MROH2B: variants seen among roughly 807,000 people sequenced by gnomAD.
MROH2B encodes the protein maestro heat like repeat family member 2B.
A neutral mutation model predicts 208.6 loss-of-function variants in MROH2B; 177 were observed. The observed-to-expected ratio is 0.85, with a 90% CI of 0.75 to 0.96. The LOEUF is 0.96. Ranked by LOEUF, MROH2B falls within the 40% of genes least tolerant of loss-of-function variation. The probability of loss-of-function intolerance (pLI) is 0.00; values close to 1 mark genes in which losing one functional copy is unlikely to be tolerated. For missense variants in MROH2B, 2,002 were observed against 1,878.7 expected (o/e 1.07, Z -1.21); for synonymous variants, 728 against 659.0 (o/e 1.10, Z -1.60).
intron 29 of MROH2B, among the ~76,000 whole-genome samples, chr5:41,013,043 A>G (rs1201223584): frequency 1.3e-5 from 2 of 152,236 alleles, no homozygotes; most frequent in Non-Finnish European, 2.9e-5. Flanking sequence ...ATAATGCAGA[A>G]TGTTTACATA....
chr5:41,048,389 A>G lies in MROH2B; in HGVS notation c.1619T>C (p.Ile540Thr), dbSNP rs1233015728. 1.2e-6 allele frequency: 2 copies of G among 1,613,716 alleles called. No individual in the cohort carries two copies. Among genetic ancestry groups the G allele is most frequent in the East Asian group, 2.2e-5 (1 of 44,868 alleles). The change falls in exon 16 of 42, where the codon ATA becomes ACA. Residue 540 changes from isoleucine (I) to threonine (T), a missense_variant. Transcript: ENST00000399564. ...AIGLLKILPE[I>T]IHPKLVDLWK... ...TAGGTCTACCAATTTTGGGTGAATT[A>G]TCTCAGGCAGTATCTTCAAAAGCCC...
Position 41,010,094 on chromosome 5 carries a change from G to C in MROH2B, c.3136-15C>G, listed in dbSNP as rs1335546375. On this transcript the variant is annotated splice_polypyrimidine_tract_variant and intron_variant, in intron 30 of 41. Transcript: ENST00000399564. The stretch of plus-strand genomic sequence containing the variant: ...ATCTCCAATAGCTAAAGAGAAAAAA[G>C]CCAAGTCAAACATTAAGTTGCCATT... 6.2e-7 allele frequency: 1 copy of C among 1,610,404 alleles called. No homozygotes were observed. Among genetic ancestry groups the C allele is most frequent in the South Asian group, 1.1e-5 (1 of 90,768 alleles).
chr5:41,019,229 C>T (rs1183737247), intron 24 of MROH2B, among the ~76,000 whole-genome samples: 2 of 152,150 alleles, frequency 1.3e-5, no homozygotes, highest in East Asian at 3.9e-4. Flanking sequence ...CAATACGCCT[C>T]CATTCTTTAG....
intron 37 of MROH2B, among the ~76,000 whole-genome samples, chr5:41,003,324 C>T (rs1269497964): frequency 6.6e-6 from 1 of 152,014 alleles, no homozygotes; most frequent in Non-Finnish European, 1.5e-5. Context: ...TTTTCAAAGG[C>T]CAGGTCTAGG....
chr5:41,021,047 A>G (rs1003386706), intron 24 of MROH2B, among the ~76,000 whole-genome samples: 7 of 152,214 alleles, frequency 4.6e-5, no homozygotes, highest in Admixed American at 2.0e-4. Flanking sequence ...AGGAGCTCTA[A>G]TGACTCTACC....
chr5:41,006,818 AC>A (rs1250415170), intron 34 of MROH2B, among the ~76,000 whole-genome samples: 2 of 151,920 alleles, frequency 1.3e-5, no homozygotes, highest in Non-Finnish European at 2.9e-5. Context: ...GATACATTGG[AC>A]TTTGGGGGTT....
intron 21 of MROH2B, among the ~76,000 whole-genome samples, chr5:41,038,051 A>T (rs1217519838): frequency 6.6e-6 from 1 of 152,184 alleles, no homozygotes; most frequent in African/African-American, 2.4e-5. Context: ...AGCATCAAGG[A>T]GGGTCAGGTT....
At chr5:41,047,853 A>G in intron 16 of MROH2B, 89 bp from the exon 17 acceptor site, 3 of 1,102,922 alleles carry the variant, frequency 2.7e-6, no homozygotes, top group South Asian at 2.9e-5. Context: ...GTGATACTGG[A>G]GTTCTATTTT....
In MROH2B at chr5:41,018,935, A is replaced by C; in HGVS notation, c.2525T>G (p.Leu842Arg). 1.2e-6 allele frequency: 2 copies of C among 1,613,868 alleles called. No homozygotes were observed. The highest frequency in any genetic ancestry group is 1.7e-6 in the Non-Finnish European group (2 of 1,179,868). The change falls in exon 25 of 42, where the codon CTG (leucine) becomes CGG (arginine). Residue 842 changes from leucine (L) to arginine (R), a missense_variant. Leu to Arg is a moderately radical substitution (Grantham distance 102). Coordinates refer to ENST00000399564, the MANE Select transcript of MROH2B (RefSeq NM_173489.5). ...NIRRLLPLPP[L>R]ENLKSEGQTD... ...CTGGCCTTCACTTTTCAGATTTTCC[A>C]GAGGTGGAAGGGGCAGCAGCCTCCG...
chr5:41,048,507 T>C (rs1397324282), intron 15 of MROH2B, 42 bp from the exon 16 acceptor site: 3 of 1,547,890 alleles, frequency 1.9e-6, no homozygotes, highest in Admixed American at 2.2e-5. Context: ...TTCAGGGGCG[T>C]TTAAAAGCCC....
At chr5:41,069,006 C>T (rs930214871) in intron 2 of MROH2B, among the ~76,000 whole-genome samples, 4 of 151,968 alleles carry the variant, frequency 2.6e-5, no homozygotes, top group Non-Finnish European at 5.9e-5. Flanking sequence ...GGAGACAACA[C>T]TGAATAATGA....
In MROH2B at chr5:41,064,526, G is replaced by C; in HGVS notation, c.406C>G (p.Gln136Glu). 1.2e-6 allele frequency: 2 copies of C among 1,613,502 alleles called. No homozygotes were observed. The highest frequency in any genetic ancestry group is 1.7e-6 in the Non-Finnish European group (2 of 1,179,606). ...PFMMMTLLTM[Q>E]TMLRLAEDER... ...TCCTCGGCCAGCCTGAGCATGGTTTGCATGGTGAGCAGGGTCATCATCATG... is the reference window on the plus strand; with the variant it reads ...TCCTCGGCCAGCCTGAGCATGGTTTCCATGGTGAGCAGGGTCATCATCATG... The change falls in exon 5 of 42, where the codon CAA becomes GAA. Residue 136 changes from glutamine to glutamate, a missense_variant. Coordinates refer to ENST00000399564, the MANE Select transcript of MROH2B (RefSeq NM_173489.5).
rs1312746120 is a variant in MROH2B, at chr5:41,070,862, G to C, written c.-10C>G. The C allele has an allele frequency of 2.5e-6, 4 of 1,610,324 alleles. No homozygotes were observed. The highest frequency in any genetic ancestry group is 3.4e-6 in the Non-Finnish European group (4 of 1,178,146). ...CTGTACTAAGTGTCATGTCTTGGCTGTTTCAGGGTCTCTAAAAGATAGCAC... is the reference window on the plus strand; with the variant it reads ...CTGTACTAAGTGTCATGTCTTGGCTCTTTCAGGGTCTCTAAAAGATAGCAC... On this transcript the variant is annotated 5_prime_UTR_variant, in exon 1 of 42. Transcript: ENST00000399564.
chr5:41,033,126 A>G lies in MROH2B; in HGVS notation c.2276T>C (p.Ile759Thr). The change falls in exon 23 of 42, where the codon ATC (isoleucine) becomes ACC (threonine). Residue 759 changes from isoleucine (I) to threonine (T), a missense_variant. Physicochemically the swap from Ile to Thr is moderately conservative, Grantham distance 89 (BLOSUM62 -1). Transcript: ENST00000399564. ...MDLQMSFTRSITEIGIAVQDA... is the reference protein window; with the variant it reads ...MDLQMSFTRSTTEIGIAVQDA... ...TTGGACAGCAATGCCAATCTCAGTG[A>G]TGCTTCTTGTGAAACTCATTTGCAG... is the stretch of plus-strand genomic sequence containing the variant. The G allele has an allele frequency of 1.2e-6, 2 of 1,613,002 alleles. No homozygotes were observed. Among genetic ancestry groups the G allele is most frequent in the South Asian group, 1.1e-5 (1 of 91,074 alleles).
chr5:41,051,172 C>A, intron 12 of MROH2B, 82 bp from the exon 13 acceptor site: 1 of 802,508 alleles, frequency 1.2e-6, no homozygotes, highest in South Asian at 2.8e-5. Flanking sequence ...TGTTCTTAGA[C>A]TCTGGAGTAG....
chr5:41,000,804 G>T lies in MROH2B; in HGVS notation c.4224C>A (p.Ile1408=). The T allele has an allele frequency of 6.2e-7, 1 of 1,611,622 alleles. No homozygotes were observed. Residue 1408 remains isoleucine (I), a synonymous_variant, in exon 38 of 42, where the codon ATC becomes ATA. Coordinates refer to ENST00000399564, the MANE Select transcript of MROH2B (RefSeq NM_173489.5). ...DEQDDVRLTA[I]FLFEDLAPLT... The stretch of plus-strand genomic sequence containing the variant: ...GGGGTGCCAGGTCCTCAAATAAGAA[G>T]ATGGCAGTCAATCTCACATCATCCT...
intron 24 of MROH2B, among the ~76,000 whole-genome samples, chr5:41,028,927 A>T (rs1370818213): frequency 6.6e-6 from 1 of 152,166 alleles, no homozygotes; most frequent in African/African-American, 2.4e-5. Flanking sequence ...GTAATTTTTC[A>T]TCTCTCAGGG....
chr5:41,041,846 G>T (rs911013523), intron 19 of MROH2B, among the ~76,000 whole-genome samples: 1 of 152,190 alleles, frequency 6.6e-6, no homozygotes, highest in East Asian at 1.9e-4. Flanking sequence ...TCAAGCCAAG[G>T]TCTGGTTAGG....
At chr5:41,031,829 G>C (rs1402180159) in intron 24 of MROH2B, among the ~76,000 whole-genome samples, 1 of 151,936 alleles carries the variant, frequency 6.6e-6, no homozygotes, top group Non-Finnish European at 1.5e-5. Flanking sequence ...TAAAATTAGT[G>C]GTATTTGGTT....
Sources: allele counts gnomAD v4.1 joint callset (sites outside exome capture counted in the v4.1 genomes callset), GRCh38; gene constraint gnomAD v4.1.1; transcripts MANE v1.5; gene names NCBI Gene and HGNC (gene_info 2026-07-23, HGNC 2026-07-21).